Variants in PHACTR2 observed in about 807,000 individuals in gnomAD.
PHACTR2 encodes chromosome 6 open reading frame 56.
PHACTR2 carries 30 observed loss-of-function variants against 76.0 expected under a neutral mutation model. The observed-to-expected ratio is 0.39, with a 90% CI of 0.30 to 0.54. PHACTR2 has a LOEUF of 0.54. PHACTR2 is among the 20% of genes least tolerant of loss of function. The pLI is 0.61. For missense variants in PHACTR2, 696 were observed against 781.1 expected (o/e 0.89, Z 1.30); for synonymous variants, 292 against 292.5 (o/e 1.00, Z 0.02).
rs1562315722 is a variant in PHACTR2, at chr6:143,809,732, T to TA, written c.1922+2602dup. 1.3e-5 allele frequency among the ~76,000 whole-genome samples: 2 copies of TA among 150,176 alleles called. No individual in the cohort carries two copies. The highest frequency in any genetic ancestry group is 1.3e-4 in the Admixed American group (2 of 14,998). ...TATGTGTGTATATATATATATATAT[T>TA]AAATATGTGTATGTACATGTATGCA... On this transcript the variant is annotated intron_variant, in intron 12 of 12. Coordinates refer to ENST00000440869, the MANE Select transcript of PHACTR2 (RefSeq NM_001100164.2). The surrounding 1 kb of genome is among the most constrained non-coding windows in gnomAD (Gnocchi z 4.2).
rs1775595841 is a variant in PHACTR2, at chr6:143,583,415, C to T, written c.217+46208C>T. Among the ~76,000 whole-genome samples, 1 of 152,204 alleles carries T rather than the reference C, an allele frequency of 6.6e-6. No homozygotes were observed. Among genetic ancestry groups the T allele is most frequent in the Admixed American group, 6.5e-5 (1 of 15,284 alleles). On this transcript the variant is annotated intron_variant, in intron 1 of 11. Transcript: ENST00000367584. The surrounding 1 kb of genome is among the most constrained non-coding windows in gnomAD (Gnocchi z 4.0). ...ATGATTGGTAAAAAATTGGTTTATC[C>T]TCTCTCAAAGTTTATCCTAAAGTTG... is the stretch of plus-strand genomic sequence containing the variant.
chr6:143,548,145 C>T lies in PHACTR2; in HGVS notation c.217+10938C>T, dbSNP rs1775037506. Among the ~76,000 whole-genome samples, 1 of 152,146 alleles carries T rather than the reference C, an allele frequency of 6.6e-6. No homozygotes were observed. The highest frequency in any genetic ancestry group is 1.5e-5 in the Non-Finnish European group (1 of 68,026). ...TTCAGTGTTTGGCGAGGGCCTGCTT[C>T]CTGGTTCATAGATGGCCATCTTCTT... On this transcript the variant is annotated intron_variant, in intron 1 of 11. Transcript: ENST00000367584. This position sits in a 1 kb window ranked among gnomAD's most constrained non-coding sequence, Gnocchi z 4.5.
At chr6:143,759,634 A>C (rs1008486047) in intron 4 of PHACTR2, among the ~76,000 whole-genome samples, 16 of 151,948 alleles carry the variant, frequency 1.1e-4, no homozygotes, top group Non-Finnish European at 1.9e-4. Context: ...ATCTGAAAAA[A>C]AAAAAAAATT....
intron 4 of PHACTR2, among the ~76,000 whole-genome samples, chr6:143,759,155 A>G (rs547507209): frequency 1.2e-4 from 18 of 152,308 alleles, no homozygotes; most frequent in African/African-American, 2.4e-4. Context: ...AACTTTCAGC[A>G]TCTCATCTGT....
rs374516110 is a variant in PHACTR2, at chr6:143,760,392, C to T, written c.455-9C>T. The T allele has an allele frequency of 7.5e-6, 12 of 1,601,060 alleles. No homozygotes were observed. The highest frequency in any genetic ancestry group is 1.7e-4 in the Middle Eastern group (1 of 6,050). On this transcript the variant is annotated splice_polypyrimidine_tract_variant and intron_variant, in intron 4 of 12. Transcript: ENST00000440869. The surrounding 1 kb of genome is among the most constrained non-coding windows in gnomAD (Gnocchi z 6.4). ...ATCAGTCTGCTTCTGTTCACTTTCT[C>T]GTTTATAGAGAACACTGAAAACCAC... is the stretch of plus-strand genomic sequence containing the variant.
rs989293685 is a variant in PHACTR2, at chr6:143,633,346, C to G, written c.13+25024C>G. Among the ~76,000 whole-genome samples, 4 of 152,136 alleles carry G rather than the reference C, an allele frequency of 2.6e-5. No individual in the cohort carries two copies. The stretch of plus-strand genomic sequence containing the variant: ...ATCTTGTTGCTTCAATTTGCAATTC[C>G]CTATCGGCATATGATGCTGAACATC... On this transcript the variant is annotated intron_variant, in intron 1 of 11. Transcript: ENST00000305766. This position sits in a 1 kb window ranked among gnomAD's most constrained non-coding sequence, Gnocchi z 4.1.
At chr6:143,657,691 C>T (rs554090356) in intron 1 of PHACTR2, among the ~76,000 whole-genome samples, 1 of 152,310 alleles carries the variant, frequency 6.6e-6, no homozygotes, top group African/African-American at 2.4e-5. Flanking sequence ...TGTGAGGCAG[C>T]TCCAGCCCCA....
intron 6 of PHACTR2, among the ~76,000 whole-genome samples, chr6:143,770,930 T>C (rs1477602567): frequency 2.0e-5 from 3 of 147,140 alleles, no homozygotes; most frequent in Admixed American, 1.4e-4. Flanking sequence ...TCTTTCTTTT[T>C]TTTTTTTTTT....
chr6:143,788,711 C>A, intron 10 of PHACTR2, 62 bp from the exon 11 acceptor site: 3 of 1,400,604 alleles, frequency 2.1e-6, no homozygotes, highest in Non-Finnish European at 2.9e-6. Flanking sequence ...CTATAGAAAA[C>A]TTGCCACCAT....
At chr6:143,786,420 T>A (rs1324022749) in intron 10 of PHACTR2, among the ~76,000 whole-genome samples, 2 of 152,196 alleles carry the variant, frequency 1.3e-5, no homozygotes, top group Non-Finnish European at 2.9e-5. Context: ...CTCTAGGAAG[T>A]TCCAAACTTT....
upstream of PHACTR2, among the ~76,000 whole-genome samples, chr6:143,605,221 C>A (rs533907137): frequency 3.9e-5 from 6 of 152,120 alleles, no homozygotes; most frequent in Non-Finnish European, 8.8e-5. The surrounding 1 kb of genome is among the most constrained non-coding windows in gnomAD (Gnocchi z 5.0). Context: ...CAAATTACCC[C>A]AGCCTCAAAC....
At chr6:143,636,877 A>G (rs1308362857) in intron 1 of PHACTR2, among the ~76,000 whole-genome samples, 2 of 152,214 alleles carry the variant, frequency 1.3e-5, no homozygotes, top group Non-Finnish European at 2.9e-5. Context: ...TGGTTGTCTC[A>G]TATCTTAGTA....
chr6:143,735,536 C>T (rs897754611), intron 2 of PHACTR2, among the ~76,000 whole-genome samples: 3 of 152,096 alleles, frequency 2.0e-5, no homozygotes, highest in Non-Finnish European at 2.9e-5. Context: ...ACAGACCTCC[C>T]GAACTTTTTC....
intron 10 of PHACTR2, among the ~76,000 whole-genome samples, chr6:143,785,271 C>A (rs1775527696): frequency 6.6e-6 from 1 of 152,174 alleles, no homozygotes; most frequent in African/African-American, 2.4e-5. Flanking sequence ...GGTTGCAGGG[C>A]CCATGGCAAG....
chr6:143,588,159 A>G (rs1775649627), intron 1 of PHACTR2, among the ~76,000 whole-genome samples: 1 of 152,184 alleles, frequency 6.6e-6, no homozygotes. Flanking sequence ...AGATAGAATT[A>G]CAGGATCCCA....
chr6:143,802,117 C>G (rs1775970289), intron 11 of PHACTR2, among the ~76,000 whole-genome samples: 1 of 152,214 alleles, frequency 6.6e-6, no homozygotes, highest in Non-Finnish European at 1.5e-5. Context: ...AACTTAGTTT[C>G]AGACATTTTT....
rs576524650 is a variant in PHACTR2 at position 143,679,543 on chromosome 6, T to C, written c.46+1334T>C. 3.9e-4 allele frequency among the ~76,000 whole-genome samples: 60 copies of C among 152,328 alleles called. 2 individuals are homozygous for C. The Middle Eastern group carries it at 0.02, about 52-fold the overall frequency. On this transcript the variant is annotated intron_variant, in intron 1 of 12. Coordinates refer to ENST00000440869, the MANE Select transcript of PHACTR2 (RefSeq NM_001100164.2). This position sits in a 1 kb window ranked among gnomAD's most constrained non-coding sequence, Gnocchi z 4.6. ...TTCTTTTCATTTCAAGGAAGGGTTA[T>C]ATTTTTACATTTGTGCACCGGCGAA...
In PHACTR2 at chr6:143,621,414, T is replaced by C. The variant is rs540664652; in HGVS notation, c.13+13092T>C. Among the ~76,000 whole-genome samples, 767 of 152,308 alleles carry C rather than the reference T, an allele frequency of 5.0e-3. 5 individuals carry two copies. The highest frequency in any genetic ancestry group is 0.01 in the Middle Eastern group (3 of 294). ...TTCCCATAGTTCCTGCCTCTCTCTC[T>C]AGAGTAGCACAGGACTTGGGAAGCC... On this transcript the variant is annotated intron_variant, in intron 1 of 11. Coordinates refer to the PHACTR2 transcript ENST00000305766. This position sits in a 1 kb window ranked among gnomAD's most constrained non-coding sequence, Gnocchi z 4.1.
chr6:143,791,817 A>G lies in PHACTR2; in HGVS notation c.1845+2907A>G, dbSNP rs754879124. ...ATGAAACTTTGTTATATTTAAAAAT[A>G]TAATTTTTAAACTGGATTGTCAAAA... On this transcript the variant is annotated intron_variant, in intron 11 of 12. Transcript: ENST00000440869. The surrounding 1 kb of genome is among the most constrained non-coding windows in gnomAD (Gnocchi z 4.7). 7.2e-5 allele frequency among the ~76,000 whole-genome samples: 11 copies of G among 152,312 alleles called. No homozygotes were observed. Among genetic ancestry groups the G allele is most frequent in the Non-Finnish European group, 1.6e-4 (11 of 68,034 alleles).
Sources: allele counts gnomAD v4.1 joint callset (sites outside exome capture counted in the v4.1 genomes callset), GRCh38; gene constraint gnomAD v4.1.1; non-coding constraint Gnocchi (gnomAD v3.1); transcripts MANE v1.5; gene names NCBI Gene and HGNC (gene_info 2026-07-23, HGNC 2026-07-21).